The following CEP85 variants were observed in gnomAD, a reference collection of about 807,000 sequenced individuals.
CEP85 encodes centrosomal protein 85.
In CEP85, 58 loss-of-function variants were observed where a neutral mutation model predicts 93.7. The ratio of observed to expected loss-of-function variants is 0.62; its 90% CI spans 0.50 to 0.77. The LOEUF is 0.77. CEP85 is among the 30% of genes least tolerant of loss of function. The pLI is 0.00. For missense variants in CEP85, 868 were observed against 922.0 expected (o/e 0.94, Z 0.76); for synonymous variants, 314 against 338.6 (o/e 0.93, Z 0.80).
chr1:26,271,799 A>G, intron 10 of CEP85: 1 of 566,736 alleles, frequency 1.8e-6, no homozygotes, highest in South Asian at 2.3e-5. Flanking sequence ...TTCACACTAC[A>G]TTCCTGTATA....
At chr1:26,259,513 C>T (rs1161665198) in intron 6 of CEP85, 104 bp from the exon 7 acceptor site, 2 of 1,109,632 alleles carry the variant, frequency 1.8e-6, no homozygotes, top group South Asian at 1.7e-5. Flanking sequence ...TAAAGAGATT[C>T]TTGGAGAAAA....
At chr1:26,275,168 T>C in intron 12 of CEP85, 97 bp downstream of exon 12, 3 of 890,948 alleles carry the variant, frequency 3.4e-6, no homozygotes, top group Non-Finnish European at 3.5e-6. Flanking sequence ...CCCCAGTGTT[T>C]GAAAGGGAAA....
intron 11 of CEP85, among the ~76,000 whole-genome samples, chr1:26,273,372 A>T (rs946056003): frequency 6.6e-6 from 1 of 152,166 alleles, no homozygotes; most frequent in Non-Finnish European, 1.5e-5. Flanking sequence ...CTTTGCCATT[A>T]TGTGGATTGG....
intron 2 of CEP85, 75 bp downstream of exon 2, chr1:26,239,913 G>A (rs1171883730): frequency 1.7e-5 from 19 of 1,095,744 alleles, no homozygotes; most frequent in Non-Finnish European, 2.5e-5. Flanking sequence ...GGTAAATATT[G>A]AACAAACAAG....
At chr1:26,263,163 G>A in intron 7 of CEP85, 1 of 243,302 alleles carries the variant, frequency 4.1e-6, no homozygotes, top group South Asian at 6.4e-5. Context: ...CTCTAGACAA[G>A]TGCTCCATCA....
intron 7 of CEP85, among the ~76,000 whole-genome samples, chr1:26,266,963 A>G (rs1466142365): frequency 6.6e-6 from 1 of 152,234 alleles, no homozygotes. Flanking sequence ...GGAAGAATAT[A>G]TTACCTTTCT....
chr1:26,241,143 A>G (rs1417106317), intron 2 of CEP85, among the ~76,000 whole-genome samples: 1 of 151,300 alleles, frequency 6.6e-6, no homozygotes, highest in East Asian at 1.9e-4. Flanking sequence ...CAGCGTAGAT[A>G]TTTGGTAAAT....
intron 1 of CEP85, among the ~76,000 whole-genome samples, chr1:26,234,943 G>A (rs918709494): frequency 1.3e-5 from 2 of 152,334 alleles, no homozygotes; most frequent in South Asian, 4.1e-4. Context: ...CTAGTGCGAA[G>A]AAGCCAGGGA....
intron 7 of CEP85, among the ~76,000 whole-genome samples, chr1:26,265,191 C>T (rs2089875828): frequency 1.3e-5 from 2 of 151,984 alleles, no homozygotes; most frequent in South Asian, 4.2e-4. Context: ...GCCATGTTGA[C>T]CAGGCGGGTC....
chr1:26,271,121 T>G lies in CEP85; in HGVS notation c.1743+14T>G. On this transcript the variant is annotated intron_variant, in intron 10 of 13. Coordinates refer to ENST00000451429, the MANE Select transcript of CEP85 (RefSeq NM_001319944.2). Reference sequence around the variant, plus strand: ...TCGCTCCAAAAGGTGACTGAGGGTGTCCAGGCTGTAACGGAGGGTAGGCTG... The same window carrying G: ...TCGCTCCAAAAGGTGACTGAGGGTGGCCAGGCTGTAACGGAGGGTAGGCTG... 7.1e-6 allele frequency: 11 copies of G among 1,545,020 alleles called. No homozygotes were observed. Among genetic ancestry groups the G allele is most frequent in the Non-Finnish European group, 9.8e-6 (11 of 1,117,150 alleles).
At chr1:26,239,478 A>C (rs1302052699) in intron 1 of CEP85, among the ~76,000 whole-genome samples, 1 of 152,064 alleles carries the variant, frequency 6.6e-6, no homozygotes, top group Non-Finnish European at 1.5e-5. Flanking sequence ...CAGCCTCCCA[A>C]GTAGCTGGGA....
intron 10 of CEP85, 71 bp downstream of exon 10, chr1:26,271,178 A>G (rs2089969492): frequency 1.0e-6 from 1 of 971,428 alleles, no homozygotes; most frequent in Non-Finnish European, 1.6e-6. Context: ...ATTAGGAGGG[A>G]TACGTGAATT....
Position 26,269,588 on chromosome 1 carries a change from AGC to A in CEP85, c.1624_1625del (p.Ala542ArgfsTer8). On this transcript the variant is annotated frameshift_variant, in exon 9 of 14. Coordinates refer to ENST00000451429, the MANE Select transcript of CEP85 (RefSeq NM_001319944.2). LOFTEE classifies it high-confidence loss of function. ...IQLESLRQRE[A>X]EFSSAGHSLQ... The stretch of plus-strand genomic sequence containing the variant: ...AACTGGAAAGCCTGAGGCAGAGAGA[AGC>A]AGAATTCTCCTCCGCTGGACATAGG... 6.2e-7 allele frequency: 1 copy of A among 1,613,902 alleles called. No homozygotes were observed. The highest frequency in any genetic ancestry group is 8.5e-7 in the Non-Finnish European group (1 of 1,179,896).
chr1:26,240,493 G>A (rs1159183700), intron 2 of CEP85, among the ~76,000 whole-genome samples: 1 of 152,002 alleles, frequency 6.6e-6, no homozygotes, highest in African/African-American at 2.4e-5. Flanking sequence ...TAAATGCTAT[G>A]TAAATAGTTA....
intron 13 of CEP85, 112 bp from the exon 14 acceptor site, chr1:26,277,024 A>T (rs2090063442): frequency 1.7e-6 from 2 of 1,175,820 alleles, no homozygotes; most frequent in Admixed American, 4.4e-5. Flanking sequence ...TGCTTTTTTT[A>T]AAGTGCATGT....
intron 1 of CEP85, among the ~76,000 whole-genome samples, chr1:26,238,287 G>A (rs1346112916): frequency 7.6e-6 from 1 of 132,060 alleles, no homozygotes; most frequent in African/African-American, 2.9e-5. Context: ...TGCAGCCTCC[G>A]CCTCCATGGT....
At chr1:26,234,914 C>T (rs1372661822) in intron 1 of CEP85, among the ~76,000 whole-genome samples, 1 of 152,136 alleles carries the variant, frequency 6.6e-6, no homozygotes, top group South Asian at 2.1e-4. Context: ...GTCACAGCTC[C>T]AGGGCTTGCT....
intron 2 of CEP85, among the ~76,000 whole-genome samples, chr1:26,241,304 G>A (rs1026817443): frequency 2.1e-5 from 3 of 142,522 alleles, no homozygotes; most frequent in Non-Finnish European, 3.0e-5. Flanking sequence ...GTGCAGTGGC[G>A]TGATCTCGGC....
Position 26,238,153 on chromosome 1 carries a change from C to CT in CEP85, c.-22-1603dup, listed in dbSNP as rs376573647. Among the ~76,000 whole-genome samples, 776 of 146,808 alleles carry CT rather than the reference C, an allele frequency of 5.3e-3. 7 individuals carry two copies. Among genetic ancestry groups the CT allele is most frequent in the African/African-American group, 0.019 (756 of 39,822 alleles). ...CATTAGAGAAATAGTACCATATAGT[C>CT]TTTTTTCTCCAGAGTGATAGAATTA... On this transcript the variant is annotated intron_variant, in intron 1 of 13. Coordinates refer to ENST00000451429, the MANE Select transcript of CEP85 (RefSeq NM_001319944.2).
Sources: allele counts gnomAD v4.1 joint callset (sites outside exome capture counted in the v4.1 genomes callset), GRCh38; gene constraint gnomAD v4.1.1; transcripts MANE v1.5; gene names NCBI Gene and HGNC (gene_info 2026-07-23, HGNC 2026-07-21).